Variants in LRMDA observed in about 807,000 individuals in gnomAD.
LRMDA encodes the protein leucine rich melanocyte differentiation associated.
A neutral mutation model predicts 29.8 loss-of-function variants in LRMDA; 18 were observed. The observed-to-expected ratio is 0.60, with a 90% CI of 0.42 to 0.90. LRMDA has a LOEUF of 0.90. LRMDA is among the 40% of genes least tolerant of loss of function. The probability of loss-of-function intolerance (pLI) is 0.00; values close to 1 mark genes in which losing one functional copy is unlikely to be tolerated. For synonymous variants in LRMDA, 125 were observed against 109.4 expected, an observed-to-expected ratio of 1.14 and a Z score of -0.89; for missense variants, 273 against 273.9, an observed-to-expected ratio of 1.00 and a Z score of 0.02.
In LRMDA at chr10:76,061,751, G is replaced by C. The variant is rs573723045; in HGVS notation, c.516+2968G>C. Among the ~76,000 whole-genome samples, 37 of 152,246 alleles carry C rather than the reference G, an allele frequency of 2.4e-4. 1 individual carries two copies. In the South Asian group the frequency reaches 7.7e-3, roughly 32 times the overall value. On this transcript the variant is annotated intron_variant, in intron 5 of 6. Transcript: ENST00000611255. ...GAACCCCTGGGGGTCTGGGCTTCCA[G>C]TTAAGTGTTCAATTTATGCCATGAT...
chr10:75,586,344 C>CTTTTTTTTTT (rs748097971), intron 2 of LRMDA, among the ~76,000 whole-genome samples: 2 of 29,038 alleles, frequency 6.9e-5, no homozygotes, highest in Non-Finnish European at 1.4e-4. Flanking sequence ...ACCAACACGT[C>CTTTTTTTTTT]TTTTTTTTTT....
chr10:76,305,980 T>C (rs1840550619), intron 5 of LRMDA, among the ~76,000 whole-genome samples: 1 of 152,246 alleles, frequency 6.6e-6, no homozygotes, highest in Non-Finnish European at 1.5e-5. Flanking sequence ...TTGGCTCCAA[T>C]CTACTATATT....
At chr10:75,729,703 A>G (rs904043830) in intron 2 of LRMDA, among the ~76,000 whole-genome samples, 1 of 152,188 alleles carries the variant, frequency 6.6e-6, no homozygotes, top group African/African-American at 2.4e-5. Context: ...TCATGATTGA[A>G]CAAGGACAGG....
intron 2 of LRMDA, among the ~76,000 whole-genome samples, chr10:75,723,893 T>C (rs1014147375): frequency 3.3e-5 from 5 of 152,216 alleles, no homozygotes; most frequent in African/African-American, 1.2e-4. Context: ...GTTATGGTTA[T>C]TGCAGTGTAA....
intron 5 of LRMDA, among the ~76,000 whole-genome samples, chr10:76,255,671 AT>A (rs1211380522): frequency 6.6e-6 from 1 of 152,246 alleles, no homozygotes; most frequent in Admixed American, 6.5e-5. Flanking sequence ...TTGATAGTGC[AT>A]ACAGTAGCTT....
intron 2 of LRMDA, among the ~76,000 whole-genome samples, chr10:75,828,658 T>C (rs539898476): frequency 1.2e-4 from 19 of 152,282 alleles, no homozygotes; most frequent in African/African-American, 4.3e-4. Flanking sequence ...TCTCTACTCT[T>C]ATGACGCTGC....
intron 2 of LRMDA, among the ~76,000 whole-genome samples, chr10:75,459,631 G>C (rs1462080480): frequency 6.6e-6 from 1 of 152,214 alleles, no homozygotes; most frequent in Non-Finnish European, 1.5e-5. Context: ...AGCAAAAACA[G>C]TGAAACTATT....
chr10:76,214,796 G>A (rs896607480), intron 5 of LRMDA, among the ~76,000 whole-genome samples: 6 of 152,194 alleles, frequency 3.9e-5, no homozygotes, highest in Non-Finnish European at 7.3e-5. Context: ...AAACAAGAAA[G>A]CAAAGGAGAC....
chr10:76,343,661 C>T (rs1013771228), intron 6 of LRMDA, among the ~76,000 whole-genome samples: 3 of 151,964 alleles, frequency 2.0e-5, no homozygotes, highest in African/African-American at 7.3e-5. Context: ...AACTTAGAGG[C>T]GTTCCTGTGA....
At chr10:76,156,258 C>T (rs1850536246) in intron 5 of LRMDA, among the ~76,000 whole-genome samples, 1 of 152,122 alleles carries the variant, frequency 6.6e-6, no homozygotes, top group Admixed American at 6.6e-5. Flanking sequence ...GCTCAAAAAC[C>T]CTGGAGGACT....
intron 2 of LRMDA, among the ~76,000 whole-genome samples, chr10:75,640,201 A>AT (rs11295363): frequency 1.1e-4 from 17 of 151,962 alleles, no homozygotes; most frequent in African/African-American, 3.1e-4. Flanking sequence ...TCATAGCAGC[A>AT]TTTTTAAAGT....
chr10:75,853,439 T>C (rs1348170586), intron 2 of LRMDA, among the ~76,000 whole-genome samples: 1 of 143,060 alleles, frequency 7.0e-6, no homozygotes, highest in Non-Finnish European at 1.5e-5. Context: ...GAGGGGTGTG[T>C]GTGTGTGTGT....
At chr10:76,512,005 C>A (rs889417762) in intron 6 of LRMDA, among the ~76,000 whole-genome samples, 1 of 152,186 alleles carries the variant, frequency 6.6e-6, no homozygotes, top group African/African-American at 2.4e-5. Context: ...AAATTGTAAT[C>A]TTGTAATTCC....
chr10:76,285,787 C>T (rs1840263929), intron 5 of LRMDA, among the ~76,000 whole-genome samples: 1 of 152,168 alleles, frequency 6.6e-6, no homozygotes, highest in Non-Finnish European at 1.5e-5. Flanking sequence ...GTTTCTCCCT[C>T]TAGAGTACTA....
intron 6 of LRMDA, among the ~76,000 whole-genome samples, chr10:76,353,255 A>G (rs1841199626): frequency 1.3e-5 from 2 of 151,934 alleles, no homozygotes; most frequent in Admixed American, 1.3e-4. Flanking sequence ...TACATTCCCT[A>G]AGAACTTTTT....
intron 2 of LRMDA, among the ~76,000 whole-genome samples, chr10:75,885,828 AG>A (rs1195830198): frequency 6.6e-6 from 1 of 152,250 alleles, no homozygotes; most frequent in Non-Finnish European, 1.5e-5. Context: ...CCTCCTCAAA[AG>A]TGCTCGCTGA....
At chr10:75,757,471 T>C (rs1353201789) in intron 2 of LRMDA, among the ~76,000 whole-genome samples, 1 of 152,156 alleles carries the variant, frequency 6.6e-6, no homozygotes, top group African/African-American at 2.4e-5. Flanking sequence ...TTGGAAAGCA[T>C]GCAGTGATCC....
At chr10:76,304,702 G>A (rs946728826) in intron 5 of LRMDA, among the ~76,000 whole-genome samples, 17 of 152,196 alleles carry the variant, frequency 1.1e-4, no homozygotes, top group Non-Finnish European at 2.1e-4. Context: ...TATTTATCGA[G>A]AAGATACTAT....
chr10:75,973,847 A>G (rs549347690), intron 2 of LRMDA, among the ~76,000 whole-genome samples: 5 of 152,196 alleles, frequency 3.3e-5, no homozygotes, highest in African/African-American at 9.6e-5. Context: ...GGCCACCTGA[A>G]CTCAAAGGGA....
Sources: allele counts gnomAD v4.1 joint callset (sites outside exome capture counted in the v4.1 genomes callset), GRCh38; gene constraint gnomAD v4.1.1; transcripts MANE v1.5; gene names NCBI Gene and HGNC (gene_info 2026-07-23, HGNC 2026-07-21).